SDK1: variants seen among roughly 807,000 people sequenced by gnomAD.
The protein encoded by SDK1 is sidekick cell adhesion molecule 1, also known as protein sidekick-1.
In SDK1, 157 loss-of-function variants were observed where a neutral mutation model predicts 245.5. The ratio of observed to expected loss-of-function variants is 0.64; its 90% CI spans 0.56 to 0.73. The LOEUF (loss-of-function observed/expected upper bound fraction) is 0.73. Among genes scored for constraint, SDK1 ranks in the 30% least tolerant of loss-of-function variants. The probability of loss-of-function intolerance (pLI) is 0.00; values close to 1 mark genes in which losing one functional copy is unlikely to be tolerated. For missense variants in SDK1, 3,583 were observed against 3,002.3 expected (o/e 1.19, Z -4.52); for synonymous variants, 1,647 against 1,278.5 (o/e 1.29, Z -6.15).
chr7:3,646,266 A>G (rs559590514), intron 4 of SDK1, among the ~76,000 whole-genome samples: 23 of 152,062 alleles, frequency 1.5e-4, no homozygotes, highest in Non-Finnish European at 2.9e-4. Context: ...ATGTTTAAAC[A>G]TTACCTCATT....
chr7:3,595,256 T>C (rs895434908), intron 1 of SDK1, among the ~76,000 whole-genome samples: 1 of 152,272 alleles, frequency 6.6e-6, no homozygotes, highest in South Asian at 2.1e-4. Context: ...TATTCATTTA[T>C]ATACTTCTAC....
chr7:3,593,376 G>T (rs1196991190), intron 1 of SDK1, among the ~76,000 whole-genome samples: 1 of 152,130 alleles, frequency 6.6e-6, no homozygotes, highest in Non-Finnish European at 1.5e-5. Context: ...AGTATGTGAT[G>T]CACATGAGCT....
chr7:4,067,869 A>G lies in SDK1; in HGVS notation c.2943A>G (p.Thr981=), dbSNP rs187314900. The change falls in exon 20 of 45, where the codon ACA becomes ACG. Residue 981 remains threonine, a synonymous_variant. Coordinates refer to ENST00000404826, the MANE Select transcript of SDK1 (RefSeq NM_152744.4). Reference sequence around the variant, plus strand: ...GAGCTGTGGGACATCTGAGTTTCACAGAGATCTTGGACACATCTCTCAAGG... The same window carrying G: ...GAGCTGTGGGACATCTGAGTTTCACGGAGATCTTGGACACATCTCTCAAGG... ...KPGAVGHLSF[T]EILDTSLKVS... is the part of the protein sequence containing the mutation. 1.2e-6 allele frequency: 2 copies of G among 1,613,328 alleles called. No individual in the cohort carries two copies. The highest frequency in any genetic ancestry group is 2.7e-5 in the African/African-American group (2 of 75,060).
At chr7:4,062,628 A>G (rs1371165680) in intron 19 of SDK1, among the ~76,000 whole-genome samples, 4 of 152,204 alleles carry the variant, frequency 2.6e-5, no homozygotes, top group Non-Finnish European at 5.9e-5. Context: ...TTACCCAGAT[A>G]CCAAAACCAG....
chr7:3,447,561 T>C (rs968876996), intron 1 of SDK1, among the ~76,000 whole-genome samples: 2 of 152,146 alleles, frequency 1.3e-5, no homozygotes, highest in Non-Finnish European at 1.5e-5. Flanking sequence ...TAAAATTAAC[T>C]GGAGTGTATT....
chr7:3,643,235 C>T (rs1029171624), intron 4 of SDK1: 2 of 151,558 alleles, frequency 1.3e-5, no homozygotes, highest in Non-Finnish European at 2.9e-5. Context: ...CTGTGGAATC[C>T]CTTCCCTAAA....
chr7:4,164,231 A>C lies in SDK1; in HGVS notation c.4800+2375A>C, dbSNP rs529867915. ...TGCCCCTGGGAAGCCACAGCCCCTG[A>C]TCTGTCTGGGAGCCACTGGAAAAGT... On this transcript the variant is annotated intron_variant, in intron 32 of 44. Coordinates refer to ENST00000404826, the MANE Select transcript of SDK1 (RefSeq NM_152744.4). 2.6e-5 allele frequency among the ~76,000 whole-genome samples: 4 copies of C among 152,290 alleles called. No individual in the cohort carries two copies. In the East Asian group the frequency reaches 7.7e-4, roughly 30 times the overall value.
chr7:3,578,696 G>C (rs1007550244), intron 1 of SDK1, among the ~76,000 whole-genome samples: 2 of 151,774 alleles, frequency 1.3e-5, no homozygotes, highest in Admixed American at 1.3e-4. Flanking sequence ...CACCTCTCCT[G>C]CTTGCACATC....
chr7:3,561,184 G>C (rs1386223082), intron 1 of SDK1, among the ~76,000 whole-genome samples: 1 of 152,090 alleles, frequency 6.6e-6, no homozygotes, highest in Non-Finnish European at 1.5e-5. Context: ...GCTTCATCCT[G>C]ATCTGTCTCC....
At position 4,040,202 on chromosome 7, in the gene SDK1, G is replaced by A. The variant is rs556433034; in HGVS notation, c.2603-9146G>A. ...TGATTGGATCTTGCAGTGGGGTAAC[G>A]CCAGAGCTGAATCTGATTGGATCCT... On this transcript the variant is annotated intron_variant, in intron 17 of 44. Transcript: ENST00000404826. 4.1e-4 allele frequency among the ~76,000 whole-genome samples: 63 copies of A among 152,244 alleles called. 1 individual carries two copies. The South Asian group carries it at 8.9e-3, about 22-fold the overall frequency.
chr7:3,446,165 A>G (rs1016729239), intron 1 of SDK1, among the ~76,000 whole-genome samples: 16 of 152,104 alleles, frequency 1.1e-4, no homozygotes, highest in African/African-American at 3.9e-4. Context: ...CTTTCTCAAG[A>G]CATGCTAATA....
At chr7:3,721,609 T>A (rs544044134) in intron 4 of SDK1, among the ~76,000 whole-genome samples, 1 of 152,140 alleles carries the variant, frequency 6.6e-6, no homozygotes, top group African/African-American at 2.4e-5. Context: ...TCTCTTCTGC[T>A]CTAACCAGGC....
chr7:3,329,512 C>G (rs1262826285), intron 1 of SDK1, among the ~76,000 whole-genome samples: 1 of 152,172 alleles, frequency 6.6e-6, no homozygotes, highest in East Asian at 1.9e-4. Context: ...CCTCACCCTT[C>G]TTAGCTATAA....
chr7:3,449,382 T>C (rs970979749), intron 1 of SDK1, among the ~76,000 whole-genome samples: 61 of 151,232 alleles, frequency 4.0e-4, no homozygotes, highest in African/African-American at 1.4e-3. Flanking sequence ...TACAGTCTTC[T>C]GCTAGGAAAT....
At position 3,703,355 on chromosome 7, in the gene SDK1, C is replaced by T. The variant is rs546273555; in HGVS notation, c.713+61250C>T. Among the ~76,000 whole-genome samples the T allele has an allele frequency of 3.3e-5, 5 of 152,190 alleles. No individual in the cohort carries two copies. In the East Asian group the frequency reaches 9.6e-4, roughly 29 times the overall value. ...TGAGGGGAATTACACTGAAAAAAAGCCTGACTTGAAAGGTCACATGTTGTA... is the reference window on the plus strand; with the variant it reads ...TGAGGGGAATTACACTGAAAAAAAGTCTGACTTGAAAGGTCACATGTTGTA... On this transcript the variant is annotated intron_variant, in intron 4 of 44. Transcript: ENST00000404826.
chr7:3,301,288 GCGGCGGCTCCTCCGCGCC>G lies in SDK1; in HGVS notation c.-292_-275del, dbSNP rs977992919. The stretch of plus-strand genomic sequence containing the variant: ...TCAGCGCCGGGCGGGGGCGGCGGCG[GCGGCGGCTCCTCCGCGCC>G]CGGCGGACCCCTCGGAGCTAGCGCG... On this transcript the variant is annotated 5_prime_UTR_variant, in exon 1 of 45. Coordinates refer to ENST00000404826, the MANE Select transcript of SDK1 (RefSeq NM_152744.4). 7.5e-5 allele frequency among the ~76,000 whole-genome samples: 11 copies of G among 146,996 alleles called. No homozygotes were observed. Among genetic ancestry groups the G allele is most frequent in the African/African-American group, 2.7e-4 (11 of 40,778 alleles).
chr7:3,578,126 A>C (rs1444273903), intron 1 of SDK1, among the ~76,000 whole-genome samples: 1 of 152,012 alleles, frequency 6.6e-6, no homozygotes, highest in African/African-American at 2.4e-5. Flanking sequence ...CAATATTTCA[A>C]CATAGGTTCT....
intron 4 of SDK1, among the ~76,000 whole-genome samples, chr7:3,685,517 G>C (rs1348454476): frequency 6.6e-6 from 1 of 152,158 alleles, no homozygotes; most frequent in African/African-American, 2.4e-5. Context: ...AGAAAGAAAA[G>C]AATGTTGGAG....
At position 3,630,937 on chromosome 7, in the gene SDK1, A is replaced by AT. The variant is rs200711627; in HGVS notation, c.459-8058dup. Reference sequence around the variant, plus strand: ...GCTGTGGGGAAGATTTCTCTACAAGATTTTTTTTTGTTTTTGGAGACAGGG... The same window carrying AT: ...GCTGTGGGGAAGATTTCTCTACAAGATTTTTTTTTTGTTTTTGGAGACAGGG... On this transcript the variant is annotated intron_variant, in intron 2 of 44. Coordinates refer to ENST00000404826, the MANE Select transcript of SDK1 (RefSeq NM_152744.4). Among the ~76,000 whole-genome samples, 187 of 151,312 alleles carry AT rather than the reference A, an allele frequency of 1.2e-3. 1 individual carries two copies. The East Asian group carries it at 0.014, about 11-fold the overall frequency.
Sources: gnomAD v4.1 joint callset for allele counts (sites outside exome capture counted in the v4.1 genomes callset) on GRCh38, gnomAD v4.1.1 for gene constraint, MANE v1.5 for transcripts, NCBI Gene and HGNC (gene_info 2026-07-23, HGNC 2026-07-21) for gene names.